Variants in COG1 observed in about 807,000 individuals in gnomAD.
The protein encoded by COG1 is component of oligomeric golgi complex 1.
Under a neutral mutation model 102.2 loss-of-function variants are expected in COG1, and 61 were observed. The ratio of observed to expected loss-of-function variants is 0.60; its 90% confidence interval spans 0.49 to 0.74. The LOEUF is 0.74. Ranked by LOEUF, COG1 falls within the 30% of genes least tolerant of loss-of-function variation. COG1 has a pLI of 0.00. For synonymous variants in COG1, 454 were observed against 493.6 expected (o/e 0.92, Z 1.06); for missense variants, 1,164 against 1,232.1 (o/e 0.94, Z 0.83).
Position 73,207,235 on chromosome 17 carries a change from A to C in COG1, c.2784A>C (p.Arg928Ser), listed in dbSNP as rs748131807. Residue 928 changes from arginine (R) to serine (S), a missense_variant, in exon 13 of 14, where the codon AGA (arginine) becomes AGC (serine). Coordinates refer to ENST00000299886, the MANE Select transcript of COG1 (RefSeq NM_018714.3). Reference protein sequence around the residue: ...MTSTRKAKSTRNIETKAQVVP... With the variant: ...MTSTRKAKSTSNIETKAQVVP... ...GCACTCGAAAGGCTAAATCAACCAGAAACATCGAAACAAAAGCTCAGGTTG... is the reference window on the plus strand; with the variant it reads ...GCACTCGAAAGGCTAAATCAACCAGCAACATCGAAACAAAAGCTCAGGTTG... The C allele has an allele frequency of 6.2e-7, 1 of 1,614,110 alleles. No homozygotes were observed. Among genetic ancestry groups the C allele is most frequent in the South Asian group, 1.1e-5 (1 of 91,076 alleles).
intron 3 of COG1, 23 bp from the exon 4 acceptor site, chr17:73,197,203 A>G (rs200520066): frequency 1.4e-4 from 226 of 1,614,172 alleles, no homozygotes; most frequent in Admixed American, 2.2e-4. Flanking sequence ...AATTGTTTCA[A>G]AGAGGATGGT....
At chr17:73,203,914 G>A (rs2061357507) in intron 9 of COG1, 121 bp downstream of exon 9, 2 of 1,125,100 alleles carry the variant, frequency 1.8e-6, no homozygotes, top group Admixed American at 1.9e-5. Flanking sequence ...CCCAGCCCAG[G>A]CATCGGGTCC....
At chr17:73,206,349 C>T (rs1486031043) in intron 11 of COG1, 87 bp downstream of exon 11, 6 of 996,848 alleles carry the variant, frequency 6.0e-6, no homozygotes, top group Admixed American at 1.7e-5. Context: ...CGTAATACTC[C>T]AGGATGCAGC....
chr17:73,207,865 A>G lies in COG1; in HGVS notation c.2806-449A>G, dbSNP rs1002271206. 5 of 1,205,382 alleles carry G rather than the reference A, an allele frequency of 4.1e-6. No individual in the cohort carries two copies. In the African/African-American group the frequency reaches 4.8e-5, roughly 11 times the overall value. The allele number at this position is 1,205,382 out of a possible 1,614,324, so 74.7% of individuals were successfully genotyped here. A position where few individuals can be genotyped will look rare whatever the true frequency, so the allele number is the denominator to read the frequency against. On this transcript the variant is annotated intron_variant, in intron 13 of 13. Transcript: ENST00000299886. ...GCAGTGTATCCTTTCCGTATTCCCT[A>G]CCATCGAACCCATTAAGATCTAAAA...
chr17:73,207,451 G>A (rs998715567), intron 13 of COG1, 195 bp downstream of exon 13: 16 of 699,548 alleles, frequency 2.3e-5, no homozygotes, highest in East Asian at 8.5e-5. Context: ...AAAGATGCCC[G>A]CTGACACTAC....
chr17:73,196,715 T>C lies in COG1; in HGVS notation c.524T>C (p.Ile175Thr). ...RYSPVLSRFP[I>T]LIRQVAAASH... is the part of the protein sequence containing the mutation. ...AGTCCCGTCCTCTCCCGGTTTCCTA[T>C]ACTCATCCGGCAGGTGGCAGCCGCC... The change falls in exon 2 of 14, where the codon ATA (isoleucine) becomes ACA (threonine). Residue 175 changes from isoleucine to threonine, a missense_variant. Physicochemically the swap from Ile to Thr is moderately conservative, Grantham distance 89 (BLOSUM62 -1). Transcript: ENST00000299886. 6.2e-7 allele frequency: 1 copy of C among 1,613,976 alleles called. No homozygotes were observed. The highest frequency in any genetic ancestry group is 2.2e-5 in the East Asian group (1 of 44,898).
chr17:73,206,298 A>C (rs371413941), intron 11 of COG1, 36 bp downstream of exon 11: 1 of 1,499,948 alleles, frequency 6.7e-7, no homozygotes, highest in Admixed American at 1.7e-5. Flanking sequence ...GTGCGAACGA[A>C]GCGATACAGG....
intron 10 of COG1, 177 bp from the exon 11 acceptor site, chr17:73,205,977 T>A (rs2061369563): frequency 4.3e-6 from 3 of 693,574 alleles, no homozygotes; most frequent in Admixed American, 4.3e-5. Flanking sequence ...AAGGGTGGAC[T>A]TCACTTAGAC....
intron 4 of COG1, among the ~76,000 whole-genome samples, chr17:73,197,677 A>G (rs1283882233): frequency 6.6e-6 from 1 of 152,222 alleles, no homozygotes; most frequent in Admixed American, 6.5e-5. Context: ...AAGGTCAGAG[A>G]AGGCTTCCCT....
At chr17:73,207,877 A>G in intron 13 of COG1, 1 of 1,193,900 alleles carries the variant, frequency 8.4e-7, no homozygotes, top group South Asian at 1.6e-5. Context: ...CATCGAACCC[A>G]TTAAGATCTA....
At chr17:73,200,904 G>C in intron 6 of COG1, 128 bp downstream of exon 6, 2 of 1,006,954 alleles carry the variant, frequency 2.0e-6, no homozygotes, top group South Asian at 2.7e-5. Flanking sequence ...CCAGAGTCTA[G>C]AGCTGAAAAT....
chr17:73,204,703 G>C (rs1568298049), intron 9 of COG1, among the ~76,000 whole-genome samples: 1 of 151,966 alleles, frequency 6.6e-6, no homozygotes, highest in Non-Finnish European at 1.5e-5. Flanking sequence ...GGGACCACAA[G>C]GCATGCGCCA....
intron 9 of COG1, among the ~76,000 whole-genome samples, chr17:73,204,367 C>T (rs1442296667): frequency 1.3e-5 from 2 of 152,010 alleles, no homozygotes; most frequent in Non-Finnish European, 2.9e-5. Context: ...AGACAGCCCC[C>T]GGCCCCAGCC....
rs191238196 is a variant in COG1 at position 73,201,273 on chromosome 17, C to A, written c.1446C>A (p.Asp482Glu). ...TCCTCTGGTCTGAGAGTCCTAATGA[C>A]CTGCCTTCCGATGCGGCCTGGGTCA... ...SLFLWSESPN[D>E]LPSDAAWVSV... is the part of the protein sequence containing the mutation. Residue 482 changes from aspartate to glutamate, a missense_variant, in exon 7 of 14, where the codon GAC becomes GAA. Asp to Glu is a conservative substitution (Grantham distance 45, BLOSUM62 2). Transcript: ENST00000299886. The A allele has an allele frequency of 6.2e-6, 10 of 1,614,220 alleles. No individual in the cohort carries two copies. In the Admixed American group the frequency reaches 1.7e-4, roughly 27 times the overall value.
chr17:73,197,522 C>A (rs888165186), intron 4 of COG1, 126 bp downstream of exon 4: 2 of 991,780 alleles, frequency 2.0e-6, no homozygotes, highest in Non-Finnish European at 3.1e-6. Context: ...AATAGAGGCC[C>A]TTCCTTCATC....
chr17:73,194,093 A>G (rs1296424449), intron 1 of COG1, among the ~76,000 whole-genome samples: 3 of 152,008 alleles, frequency 2.0e-5, no homozygotes, highest in Non-Finnish European at 4.4e-5. Flanking sequence ...ACAATGAGGA[A>G]GGATGGGAGG....
At chr17:73,206,967 C>A in intron 12 of COG1, 150 bp downstream of exon 12, 1 of 717,652 alleles carries the variant, frequency 1.4e-6, no homozygotes, top group Non-Finnish European at 2.4e-6. Flanking sequence ...GTGGCAGGTG[C>A]CTATAGTCCC....
intron 9 of COG1, chr17:73,205,162 CAAAACAAA>C: frequency 4.4e-6 from 1 of 225,414 alleles, no homozygotes. Context: ...GACTCTATCT[CAAAACAAA>C]CAAACAAACA....
intron 13 of COG1, chr17:73,208,001 C>T (rs374570467): frequency 6.2e-5 from 80 of 1,291,246 alleles, no homozygotes; most frequent in Non-Finnish European, 7.0e-5. Flanking sequence ...CAGCCTCTTC[C>T]AGAACAGTTT....
Sources: gnomAD v4.1 joint callset for allele counts (sites outside exome capture counted in the v4.1 genomes callset) on GRCh38, gnomAD v4.1.1 for gene constraint, MANE v1.5 for transcripts, NCBI Gene and HGNC (gene_info 2026-07-23, HGNC 2026-07-21) for gene names.